The following POU6F2 variants were observed in gnomAD, a reference collection of about 807,000 sequenced individuals.
POU6F2 encodes the protein POU domain, class 6, transcription factor 2.
POU6F2 carries 31 observed loss-of-function variants against 71.3 expected under a neutral mutation model. The ratio of observed to expected loss-of-function variants is 0.43; its 90% CI spans 0.33 to 0.59. The LOEUF (loss-of-function observed/expected upper bound fraction) is 0.59. Among genes scored for constraint, POU6F2 ranks in the 20% least tolerant of loss-of-function variants. POU6F2 has a pLI of 0.04. For synonymous variants in POU6F2, 347 were observed against 355.7 expected (o/e 0.98, Z 0.27); for missense variants, 783 against 856.8 (o/e 0.91, Z 1.07).
intron 8 of POU6F2, among the ~76,000 whole-genome samples, chr7:39,458,312 T>A (rs1788853832): frequency 6.6e-6 from 1 of 152,140 alleles, no homozygotes; most frequent in African/African-American, 2.4e-5. Flanking sequence ...AGCAGCCAAA[T>A]CTTCTAACAT....
At chr7:39,045,693 GT>G (rs1790279000) in intron 1 of POU6F2, among the ~76,000 whole-genome samples, 1 of 151,750 alleles carries the variant, frequency 6.6e-6, no homozygotes, top group Non-Finnish European at 1.5e-5. Context: ...ATTCCAAAAT[GT>G]TTCCTTATTC....
intron 2 of POU6F2, among the ~76,000 whole-genome samples, chr7:39,203,643 T>A (rs1793950376): frequency 1.3e-5 from 2 of 152,212 alleles, no homozygotes; most frequent in Non-Finnish European, 2.9e-5. Flanking sequence ...ATGGCGGAGC[T>A]CCCTGGAGCT....
chr7:39,242,448 C>T (rs1418442720), intron 4 of POU6F2, among the ~76,000 whole-genome samples: 1 of 150,292 alleles, frequency 6.7e-6, no homozygotes, highest in African/African-American at 2.5e-5. Flanking sequence ...CTTTAACTTT[C>T]ATTTCTCTAA....
At chr7:39,160,480 C>G (rs1188596814) in intron 2 of POU6F2, among the ~76,000 whole-genome samples, 1 of 152,102 alleles carries the variant, frequency 6.6e-6, no homozygotes, top group Non-Finnish European at 1.5e-5. Context: ...CTTGTTGCCA[C>G]TCATCTATGA....
chr7:39,390,589 G>T (rs1787047894), intron 5 of POU6F2, among the ~76,000 whole-genome samples: 1 of 152,176 alleles, frequency 6.6e-6, no homozygotes, highest in South Asian at 2.1e-4. Context: ...AAGCATCTAG[G>T]TTTGGAAGAT....
intron 7 of POU6F2, among the ~76,000 whole-genome samples, chr7:39,440,997 CA>C (rs763402016): frequency 8.5e-5 from 13 of 152,052 alleles, no homozygotes; most frequent in Non-Finnish European, 1.5e-4. Flanking sequence ...AGGCCCTACT[CA>C]TCCGATTCAC....
chr7:39,327,980 G>T (rs916917912), intron 4 of POU6F2, among the ~76,000 whole-genome samples: 2 of 152,124 alleles, frequency 1.3e-5, no homozygotes, highest in African/African-American at 4.8e-5. Context: ...GAGTGCAGTG[G>T]CATGATCTCA....
chr7:39,203,482 T>G (rs1254436353), intron 2 of POU6F2, among the ~76,000 whole-genome samples: 1 of 152,226 alleles, frequency 6.6e-6, no homozygotes, highest in Non-Finnish European at 1.5e-5. Context: ...CCTGCTATAG[T>G]TTGTCCTGAA....
intron 5 of POU6F2, among the ~76,000 whole-genome samples, chr7:39,404,310 G>A (rs974991471): frequency 1.3e-5 from 2 of 152,040 alleles, no homozygotes; most frequent in Non-Finnish European, 2.9e-5. Context: ...AAACTGCATG[G>A]GACTATATCT....
At chr7:39,405,586 C>T (rs997196473) in intron 5 of POU6F2, among the ~76,000 whole-genome samples, 1 of 151,998 alleles carries the variant, frequency 6.6e-6, no homozygotes, top group African/African-American at 2.4e-5. Flanking sequence ...AAAATAACAC[C>T]CTAGAATAAA....
intron 2 of POU6F2, among the ~76,000 whole-genome samples, chr7:39,111,234 G>C (rs1296233524): frequency 1.3e-5 from 2 of 152,266 alleles, no homozygotes; most frequent in South Asian, 4.1e-4. Flanking sequence ...GCCCCACAAG[G>C]AGATGAAGTT....
chr7:39,120,194 G>A (rs1447253677), intron 2 of POU6F2, among the ~76,000 whole-genome samples: 1 of 152,136 alleles, frequency 6.6e-6, no homozygotes, highest in Non-Finnish European at 1.5e-5. Flanking sequence ...AATAGAGGTA[G>A]GGTCTCGCTA....
At chr7:39,373,038 T>C (rs1786644164) in intron 5 of POU6F2, among the ~76,000 whole-genome samples, 1 of 152,234 alleles carries the variant, frequency 6.6e-6, no homozygotes, top group South Asian at 2.1e-4. Context: ...TCTCATTTAG[T>C]AGCTGTGTGA....
At chr7:39,155,013 C>T (rs946949114) in intron 2 of POU6F2, among the ~76,000 whole-genome samples, 1 of 152,002 alleles carries the variant, frequency 6.6e-6, no homozygotes, top group Admixed American at 6.6e-5. Context: ...AAAATGATCC[C>T]GGTACACAGG....
At chr7:39,459,418 T>C (rs2116157502) in intron 8 of POU6F2, among the ~76,000 whole-genome samples, 1 of 152,158 alleles carries the variant, frequency 6.6e-6, no homozygotes, top group East Asian at 1.9e-4. Context: ...TCCTTGAAAA[T>C]GGGCATTTGG....
intron 2 of POU6F2, among the ~76,000 whole-genome samples, chr7:39,166,367 C>T (rs1187561044): frequency 1.3e-5 from 2 of 152,188 alleles, no homozygotes; most frequent in African/African-American, 2.4e-5. Context: ...GTTAGACTTT[C>T]TCTCCAAGTT....
chr7:39,423,673 A>C (rs1787905541), intron 6 of POU6F2, among the ~76,000 whole-genome samples: 1 of 152,200 alleles, frequency 6.6e-6, no homozygotes, highest in Non-Finnish European at 1.5e-5. Flanking sequence ...ATATACTTAA[A>C]GCTTCGAGTA....
intron 4 of POU6F2, among the ~76,000 whole-genome samples, chr7:39,246,090 A>G (rs906860761): frequency 2.0e-5 from 3 of 152,204 alleles, no homozygotes; most frequent in African/African-American, 7.2e-5. Flanking sequence ...AAGTGAACCC[A>G]AGGCTTTTCT....
intron 5 of POU6F2, among the ~76,000 whole-genome samples, chr7:39,358,870 A>AT (rs1255636906): frequency 6.7e-5 from 7 of 105,202 alleles, no homozygotes; most frequent in African/African-American, 1.4e-4. Flanking sequence ...GTACTTCTGT[A>AT]TTTAAAAAAA....
Sources: gnomAD v4.1 joint callset for allele counts (sites outside exome capture counted in the v4.1 genomes callset) on GRCh38, gnomAD v4.1.1 for gene constraint, MANE v1.5 for transcripts, NCBI Gene and HGNC (gene_info 2026-07-23, HGNC 2026-07-21) for gene names.